LMX1A: variants seen among roughly 807,000 people sequenced by gnomAD.
The protein encoded by LMX1A is LIM homeobox transcription factor 1-alpha.
Under a neutral mutation model 49.1 loss-of-function variants are expected in LMX1A, and 15 were observed. The ratio of observed to expected loss-of-function variants is 0.31; its 90% CI spans 0.20 to 0.47. The LOEUF is 0.47. Among genes scored for constraint, LMX1A ranks in the 20% least tolerant of loss-of-function variants. The probability of loss-of-function intolerance (pLI) is 1.00; values close to 1 mark genes in which losing one functional copy is unlikely to be tolerated. For synonymous variants in LMX1A, 167 were observed against 185.7 expected, an observed-to-expected ratio of 0.90 and a Z score of 0.82; for missense variants, 372 against 475.8, an observed-to-expected ratio of 0.78 and a Z score of 2.03.
At chr1:165,288,452 G>GTCTCCT (rs1654359443) in intron 3 of LMX1A, among the ~76,000 whole-genome samples, 2 of 152,148 alleles carry the variant, frequency 1.3e-5, no homozygotes, top group African/African-American at 2.4e-5. Context: ...TGAGCGAACA[G>GTCTCCT]CAGGCAGCTG....
chr1:165,341,329 A>G (rs929296013), intron 3 of LMX1A, among the ~76,000 whole-genome samples: 1 of 151,952 alleles, frequency 6.6e-6, no homozygotes, highest in Non-Finnish European at 1.5e-5. Flanking sequence ...TTCTTCTTCC[A>G]CTTGGAATTC....
At chr1:165,248,323 G>A (rs1204891163) in intron 4 of LMX1A, among the ~76,000 whole-genome samples, 1 of 152,150 alleles carries the variant, frequency 6.6e-6, no homozygotes, top group Non-Finnish European at 1.5e-5. Flanking sequence ...TCCCAAAGAG[G>A]CCAAAGGGAT....
chr1:165,353,207 G>C lies in LMX1A; in HGVS notation c.132C>G (p.Asp44Glu), dbSNP rs768848342. 4.3e-6 allele frequency: 7 copies of C among 1,613,890 alleles called. No individual in the cohort carries two copies. The African/African-American group carries it at 6.7e-5, about 15-fold the overall frequency. Reference sequence around the variant, plus strand: ...TGTCGTTGAGCCGCAGCAGAAACCTGTCCAAGATGACCCGCTGACAGCCCT... The same window carrying C: ...TGTCGTTGAGCCGCAGCAGAAACCTCTCCAAGATGACCCGCTGACAGCCCT... ...VCEGCQRVIL[D>E]RFLLRLNDSF... The change falls in exon 3 of 9, where the codon GAC becomes GAG. Residue 44 changes from aspartate to glutamate, a missense_variant. Physicochemically the swap from Asp to Glu is conservative, Grantham distance 45. Transcript: ENST00000342310.
intron 3 of LMX1A, among the ~76,000 whole-genome samples, chr1:165,287,623 A>T (rs1192520449): frequency 6.6e-6 from 1 of 151,886 alleles, no homozygotes; most frequent in Non-Finnish European, 1.5e-5. Flanking sequence ...CCCAGGCAAC[A>T]CCTCCTACAA....
chr1:165,224,970 G>A (rs150741364), intron 4 of LMX1A, among the ~76,000 whole-genome samples: 171 of 152,306 alleles, frequency 1.1e-3, no homozygotes, highest in African/African-American at 3.7e-3. Context: ...TAGGAAGACA[G>A]GAGAGCAGGT....
At chr1:165,350,786 A>G (rs988410835) in intron 3 of LMX1A, among the ~76,000 whole-genome samples, 2 of 152,240 alleles carry the variant, frequency 1.3e-5, no homozygotes, top group African/African-American at 2.4e-5. Context: ...GCTAAAGAGG[A>G]CAAAAACCTC....
intron 3 of LMX1A, among the ~76,000 whole-genome samples, chr1:165,262,947 C>T (rs74118537): frequency 0.015 from 2,217 of 152,272 alleles, 54 homozygotes; most frequent in African/African-American, 0.05. Context: ...ATGACCTCCA[C>T]AGTGTTTAGT....
intron 4 of LMX1A, among the ~76,000 whole-genome samples, chr1:165,239,835 C>G (rs1652582239): frequency 1.3e-5 from 2 of 152,174 alleles, no homozygotes; most frequent in African/African-American, 4.8e-5. Context: ...GCCACTGCAC[C>G]AAGCCTTTGG....
rs1656595429 is a variant in LMX1A at position 165,355,946 on chromosome 1, C to T, written c.-22-365G>A. On this transcript the variant is annotated intron_variant, in intron 1 of 8. Coordinates refer to ENST00000342310, the MANE Select transcript of LMX1A (RefSeq NM_177398.4). This position sits in a 1 kb window ranked among gnomAD's most constrained non-coding sequence, Gnocchi z 4.7. ...GGCCCTCGGGACGTCTCTGCAGGAA[C>T]GCAGCTACTGGGGTATATTGGGTAT... The T allele has an allele frequency of 4.1e-6, 1 of 245,908 alleles. No individual in the cohort carries two copies. Among genetic ancestry groups the T allele is most frequent in the Non-Finnish European group, 7.9e-6 (1 of 126,214 alleles). The allele number at this position is 245,908 out of a possible 1,614,324, so 15.2% of individuals were successfully genotyped here.
At chr1:165,204,796 G>A (rs968738836) in intron 8 of LMX1A, among the ~76,000 whole-genome samples, 11 of 152,190 alleles carry the variant, frequency 7.2e-5, no homozygotes, top group Non-Finnish European at 1.5e-4. Flanking sequence ...GCAAAAAAAT[G>A]TGTTTGCCCT....
chr1:165,350,445 CTT>C lies in LMX1A; in HGVS notation c.263+2629_263+2630del, dbSNP rs138651906. On this transcript the variant is annotated intron_variant, in intron 3 of 8. Coordinates refer to ENST00000342310, the MANE Select transcript of LMX1A (RefSeq NM_177398.4). ...AGCCTCCTGAAGGCAGGCTCTGAGA[CTT>C]TTTCTCATTGTCCTCTCCTCATCTA... Among the ~76,000 whole-genome samples, 712 of 152,284 alleles carry C rather than the reference CTT, an allele frequency of 4.7e-3. 4 individuals are homozygous for C. Among genetic ancestry groups the C allele is most frequent in the South Asian group, 0.015 (72 of 4,830 alleles).
intron 6 of LMX1A, 135 bp from the exon 7 acceptor site, chr1:165,208,267 A>G: frequency 1.4e-6 from 1 of 712,390 alleles, no homozygotes; most frequent in African/African-American, 1.7e-5. Context: ...TTAGTAAAGG[A>G]GCAACAGTGG....
At chr1:165,302,700 T>G (rs1489868093) in intron 3 of LMX1A, among the ~76,000 whole-genome samples, 1 of 152,322 alleles carries the variant, frequency 6.6e-6, no homozygotes, top group East Asian at 1.9e-4. Context: ...TACCACTGAA[T>G]TTTTGGTAAG....
chr1:165,270,272 G>C (rs1412621411), intron 3 of LMX1A, among the ~76,000 whole-genome samples: 1 of 152,116 alleles, frequency 6.6e-6, no homozygotes, highest in East Asian at 1.9e-4. Flanking sequence ...ATCCTTCCCA[G>C]CCCTCAAGAG....
rs574131269 is a variant in LMX1A at position 165,275,244 on chromosome 1, G to A, written c.264-25604C>T. Among the ~76,000 whole-genome samples, 6 of 152,244 alleles carry A rather than the reference G, an allele frequency of 3.9e-5. No homozygotes were observed. The South Asian group carries it at 1.2e-3, about 32-fold the overall frequency. On this transcript the variant is annotated intron_variant, in intron 3 of 8. Coordinates refer to ENST00000342310, the MANE Select transcript of LMX1A (RefSeq NM_177398.4). ...CCCGACAGCCCCGAGTCCTAGGCTG[G>A]AGCCTCTATCAGGCAAGCAATTTGC...
intron 5 of LMX1A, chr1:165,211,281 A>G (rs1049996509): frequency 3.3e-5 from 5 of 152,266 alleles, no homozygotes; most frequent in African/African-American, 1.2e-4. Flanking sequence ...TGCTACCCCA[A>G]GTGAGCCCTG....
chr1:165,205,110 A>G (rs1404640538), intron 8 of LMX1A, among the ~76,000 whole-genome samples: 1 of 152,190 alleles, frequency 6.6e-6, no homozygotes, highest in Non-Finnish European at 1.5e-5. Flanking sequence ...TTTTTTAACT[A>G]TCAGTGTAAT....
chr1:165,318,515 G>A (rs1655286387), intron 3 of LMX1A, among the ~76,000 whole-genome samples: 1 of 152,120 alleles, frequency 6.6e-6, no homozygotes, highest in Non-Finnish European at 1.5e-5. Flanking sequence ...CTCGTAAGCT[G>A]TGGTAGATGC....
chr1:165,350,855 G>A (rs1173428807), intron 3 of LMX1A, among the ~76,000 whole-genome samples: 1 of 152,166 alleles, frequency 6.6e-6, no homozygotes, highest in African/African-American at 2.4e-5. Flanking sequence ...ATCCTTCACT[G>A]AAATGTCAGC....
Sources: allele counts gnomAD v4.1 joint callset (sites outside exome capture counted in the v4.1 genomes callset), GRCh38; gene constraint gnomAD v4.1.1; non-coding constraint Gnocchi (gnomAD v3.1); transcripts MANE v1.5; gene names NCBI Gene and HGNC (gene_info 2026-07-23, HGNC 2026-07-21).